DNAJC5: variants seen among roughly 807,000 people sequenced by gnomAD.
The protein encoded by DNAJC5 is DnaJ heat shock protein family (Hsp40) member C5.
DNAJC5 carries 1 observed loss-of-function variant against 23.2 expected under a neutral mutation model. That is an observed-to-expected ratio of 0.04 (90% CI 0.02 to 0.20). The LOEUF (loss-of-function observed/expected upper bound fraction) is 0.20. DNAJC5 is among the 10% of genes least tolerant of loss of function. DNAJC5 has a pLI of 1.00. For synonymous variants in DNAJC5, 136 were observed against 120.0 expected (o/e 1.13, Z -0.87); for missense variants, 180 against 267.0 (o/e 0.67, Z 2.27).
intron 1 of DNAJC5, among the ~76,000 whole-genome samples, chr20:63,928,000 A>T (rs1454556046): frequency 1.3e-5 from 2 of 152,198 alleles, no homozygotes; most frequent in Non-Finnish European, 2.9e-5. Context: ...CCTGGGCTCC[A>T]GTGCAGTGGA....
At chr20:63,895,465 C>G (rs531897559) in intron 1 of DNAJC5, 142 bp downstream of exon 1, 1 of 146,304 alleles carries the variant, frequency 6.8e-6, no homozygotes, top group Admixed American at 6.8e-5. Flanking sequence ...CGCGGGCGCT[C>G]GGGGCCGGAG....
At chr20:63,911,095 A>C (rs924494613) in intron 1 of DNAJC5, among the ~76,000 whole-genome samples, 2 of 152,236 alleles carry the variant, frequency 1.3e-5, no homozygotes, top group Non-Finnish European at 2.9e-5. Context: ...TTAGGTTTCC[A>C]GACCCAAGTC....
chr20:63,927,472 G>A (rs1208510023), intron 1 of DNAJC5, among the ~76,000 whole-genome samples: 4 of 152,168 alleles, frequency 2.6e-5, no homozygotes, highest in Admixed American at 1.3e-4. Context: ...CCGGGGAGGC[G>A]GAGGTTGTGG....
chr20:63,913,798 C>T (rs749667448), intron 1 of DNAJC5, among the ~76,000 whole-genome samples: 8 of 152,162 alleles, frequency 5.3e-5, no homozygotes, highest in Non-Finnish European at 1.0e-4. Flanking sequence ...CACCTGGTCT[C>T]AAACTCCTGA....
At chr20:63,903,865 C>G (rs1382907842) in intron 1 of DNAJC5, among the ~76,000 whole-genome samples, 1 of 152,050 alleles carries the variant, frequency 6.6e-6, no homozygotes, top group East Asian at 1.9e-4. Flanking sequence ...GTGGATAGAT[C>G]TCTCGAGTTC....
Position 63,933,483 on chromosome 20 carries a change from C to T in DNAJC5, c.*1915C>T, listed in dbSNP as rs1044082802. On this transcript the variant is annotated 3_prime_UTR_variant, in exon 5 of 5. Coordinates refer to ENST00000360864, the MANE Select transcript of DNAJC5 (RefSeq NM_025219.3). ...CTTCTCACTAAAATGATCACGAAGA[C>T]CTTTGACAAGAGGAGAGATATGCAC... is the stretch of plus-strand genomic sequence containing the variant. 3 of 152,238 alleles carry T rather than the reference C, an allele frequency of 2.0e-5. No homozygotes were observed. The highest frequency in any genetic ancestry group is 2.9e-5 in the Non-Finnish European group (2 of 68,036). The allele number at this position is 152,238 out of a possible 1,614,324, so 9.4% of individuals were successfully genotyped here.
At chr20:63,907,155 G>A (rs1417190761) in intron 1 of DNAJC5, among the ~76,000 whole-genome samples, 1 of 152,158 alleles carries the variant, frequency 6.6e-6, no homozygotes, top group African/African-American at 2.4e-5. Flanking sequence ...AAGGCTTGAT[G>A]TACAAGAAAA....
intron 1 of DNAJC5, among the ~76,000 whole-genome samples, chr20:63,913,385 G>GT (rs1325266010): frequency 2.0e-5 from 3 of 150,506 alleles, no homozygotes; most frequent in Admixed American, 6.6e-5. Context: ...CTAACAGCCT[G>GT]TTTTTTTTCT....
intron 1 of DNAJC5, among the ~76,000 whole-genome samples, chr20:63,903,106 G>A (rs2053425377): frequency 6.6e-6 from 1 of 152,156 alleles, no homozygotes; most frequent in Admixed American, 6.5e-5. Context: ...CCAAGTAGCT[G>A]GGACTTTAGG....
chr20:63,914,643 T>G, intron 1 of DNAJC5, among the ~76,000 whole-genome samples: 3 of 137,316 alleles, frequency 2.2e-5, no homozygotes, highest in Admixed American at 7.8e-5. Flanking sequence ...GTAGATGGAG[T>G]CTCGCTCTGT....
rs776807695 is a variant in DNAJC5 at position 63,931,532 on chromosome 20, C to T, written c.561C>T (p.Asp187=). The T allele has an allele frequency of 3.6e-5, 57 of 1,583,524 alleles. No homozygotes were observed. Among genetic ancestry groups the T allele is most frequent in the Admixed American group, 5.2e-5 (3 of 57,284 alleles). The change falls in exon 5 of 5, where the codon GAC becomes GAT. Residue 187 remains aspartate, a synonymous_variant. Coordinates refer to ENST00000360864, the MANE Select transcript of DNAJC5 (RefSeq NM_025219.3). This position sits in a 1 kb window ranked among gnomAD's most constrained non-coding sequence, Gnocchi z 9.6. ...SATETTQLTA[D]SHPSYHTDGF... ...CCGAGACCACCCAGCTCACAGCCGA[C>T]TCCCACCCCAGCTACCACACTGACG...
Position 63,928,637 on chromosome 20 carries a change from TTCATGTTC to T in DNAJC5, c.107+188_107+195del, listed in dbSNP as rs370755112. Among the ~76,000 whole-genome samples the T allele has an allele frequency of 0.011, 1,633 of 152,334 alleles. 14 individuals carry two copies. The highest frequency in any genetic ancestry group is 0.017 in the Non-Finnish European group (1,162 of 68,024). On this transcript the variant is annotated intron_variant, in intron 2 of 4. Coordinates refer to ENST00000360864, the MANE Select transcript of DNAJC5 (RefSeq NM_025219.3). The surrounding 1 kb of genome is among the most constrained non-coding windows in gnomAD (Gnocchi z 4.6). ...CTCCTTATAGCTTAAAGTTATGGTA[TTCATGTTC>T]TCTTGCCAACAAAAAATAGCACTTA...
intron 3 of DNAJC5, 25 bp from the exon 4 acceptor site, chr20:63,930,826 C>A (rs2053662822): frequency 6.2e-7 from 1 of 1,611,488 alleles, no homozygotes; most frequent in Non-Finnish European, 8.5e-7. Flanking sequence ...GGAGGCCATG[C>A]AACACCACCT....
intron 1 of DNAJC5, among the ~76,000 whole-genome samples, chr20:63,922,407 G>A (rs540100007): frequency 6.6e-6 from 1 of 150,944 alleles, no homozygotes; most frequent in Admixed American, 6.6e-5. Context: ...AGGGTGCATG[G>A]AGCCAAGATT....
intron 1 of DNAJC5, among the ~76,000 whole-genome samples, chr20:63,925,825 GTTTTTTTTTTTT>G (rs376376541): frequency 8.1e-6 from 1 of 123,972 alleles, no homozygotes; most frequent in Non-Finnish European, 1.6e-5. Flanking sequence ...ATTTTATCTG[GTTTTTTTTTTTT>G]TTTTTTTTGA....
intron 1 of DNAJC5, among the ~76,000 whole-genome samples, chr20:63,895,750 G>C (rs970546746): frequency 6.6e-6 from 1 of 152,320 alleles, no homozygotes; most frequent in African/African-American, 2.4e-5. Context: ...TCCCTGGGTC[G>C]TTGTGTTTAT....
chr20:63,914,132 C>T (rs2053500901), intron 1 of DNAJC5, among the ~76,000 whole-genome samples: 1 of 152,220 alleles, frequency 6.6e-6, no homozygotes, highest in African/African-American at 2.4e-5. Flanking sequence ...GCTTCTGTCT[C>T]TTGGTGAAAG....
chr20:63,903,581 A>G (rs1458675731), intron 1 of DNAJC5, among the ~76,000 whole-genome samples: 6 of 151,996 alleles, frequency 3.9e-5, no homozygotes, highest in Non-Finnish European at 7.4e-5. Flanking sequence ...TGCTGGGATT[A>G]CAGGTGTGAG....
At chr20:63,922,317 G>A (rs1268013549) in intron 1 of DNAJC5, among the ~76,000 whole-genome samples, 1 of 151,986 alleles carries the variant, frequency 6.6e-6, no homozygotes, top group Non-Finnish European at 1.5e-5. Flanking sequence ...AAAAAAATTA[G>A]CTGGGTGTGG....
Sources: gnomAD v4.1 joint callset for allele counts (sites outside exome capture counted in the v4.1 genomes callset) on GRCh38, gnomAD v4.1.1 for gene constraint, Gnocchi (gnomAD v3.1) non-coding constraint, MANE v1.5 for transcripts, NCBI Gene and HGNC (gene_info 2026-07-23, HGNC 2026-07-21) for gene names.